IMPG2: variants seen among roughly 807,000 people sequenced by gnomAD.
The protein encoded by IMPG2 is IPM 200.
A neutral mutation model predicts 129.2 loss-of-function variants in IMPG2; 91 were observed. That is an observed-to-expected ratio of 0.70 (90% CI 0.59 to 0.84). IMPG2 has a LOEUF of 0.84. IMPG2 is among the 40% of genes least tolerant of loss of function. The probability of loss-of-function intolerance (pLI) is 0.00; values close to 1 mark genes in which losing one functional copy is unlikely to be tolerated. For synonymous variants in IMPG2, 510 were observed against 517.7 expected, an observed-to-expected ratio of 0.99 and a Z score of 0.20; for missense variants, 1,430 against 1,461.7, an observed-to-expected ratio of 0.98 and a Z score of 0.35.
chr3:101,240,722 A>G (rs1311976352), intron 14 of IMPG2, among the ~76,000 whole-genome samples: 1 of 152,238 alleles, frequency 6.6e-6, no homozygotes, highest in Non-Finnish European at 1.5e-5. Context: ...AAGAATGTGC[A>G]AATGGCCTTA....
At chr3:101,279,332 T>C (rs1018186631) in intron 4 of IMPG2, among the ~76,000 whole-genome samples, 9 of 152,182 alleles carry the variant, frequency 5.9e-5, no homozygotes, top group African/African-American at 2.2e-4. Flanking sequence ...AAGAATTTGC[T>C]CAGGGTCACA....
chr3:101,244,280 C>A lies in IMPG2; in HGVS notation c.2051G>T (p.Gly684Val), dbSNP rs1706447583. ...ATCTGCGAAGATGGGCACAGCAGGC[C>A]CACTAAGAGGCTCTTCCTCTGGAAA... ...THFPEEEPLS[G>V]PAVPIFADTA... The change falls in exon 13 of 19, where the codon GGG (glycine) becomes GTG (valine). Residue 684 changes from glycine (G) to valine (V), a missense_variant. By Grantham distance (109) the Gly-to-Val change is moderately radical. Coordinates refer to ENST00000193391, the MANE Select transcript of IMPG2 (RefSeq NM_016247.4). 2 of 1,613,828 alleles carry A rather than the reference C, an allele frequency of 1.2e-6. No homozygotes were observed. The highest frequency in any genetic ancestry group is 1.1e-5 in the South Asian group (1 of 91,082).
At position 101,279,076 on chromosome 3, in the gene IMPG2, A is replaced by C. The variant is rs369405211; in HGVS notation, c.534-2363T>G. 4.6e-5 allele frequency among the ~76,000 whole-genome samples: 7 copies of C among 152,220 alleles called. No individual in the cohort carries two copies. The East Asian group carries it at 7.7e-4, about 17-fold the overall frequency. On this transcript the variant is annotated intron_variant, in intron 4 of 18. Transcript: ENST00000193391. ...CCCAGTACCTTCATTTCATAGATGA[A>C]AGAAATAAGGTCCAAACAGGTAAAG...
intron 14 of IMPG2, among the ~76,000 whole-genome samples, chr3:101,236,968 T>A (rs886439063): frequency 5.3e-5 from 8 of 152,224 alleles, no homozygotes; most frequent in African/African-American, 1.9e-4. Flanking sequence ...ATCCACTGGT[T>A]TGAAATTCTT....
At chr3:101,269,144 T>C (rs1267671864) in intron 8 of IMPG2, among the ~76,000 whole-genome samples, 1 of 152,182 alleles carries the variant, frequency 6.6e-6, no homozygotes, top group Non-Finnish European at 1.5e-5. Context: ...AGTGGCCTCA[T>C]ACCAAGATGT....
At chr3:101,305,714 T>C (rs1040580499) in intron 2 of IMPG2, among the ~76,000 whole-genome samples, 13 of 152,226 alleles carry the variant, frequency 8.5e-5, no homozygotes, top group Non-Finnish European at 1.6e-4. Flanking sequence ...ACATGAACTT[T>C]AAAATGATAT....
chr3:101,244,265 A>T lies in IMPG2; in HGVS notation c.2066T>A (p.Ile689Asn). The T allele has an allele frequency of 1.2e-6, 2 of 1,614,050 alleles. No individual in the cohort carries two copies. Among genetic ancestry groups the T allele is most frequent in the South Asian group, 2.2e-5 (2 of 91,082 alleles). The change falls in exon 13 of 19, where the codon ATC (isoleucine) becomes AAC (asparagine). Residue 689 changes from isoleucine (I) to asparagine (N), a missense_variant. By Grantham distance (149) the Ile-to-Asn change is moderately radical. Transcript: ENST00000193391. ...EEPLSGPAVPIFADTAAESAS... is the reference protein window; with the variant it reads ...EEPLSGPAVPNFADTAAESAS... Reference sequence around the variant, plus strand: ...AGATTCAGCTGCAGTATCTGCGAAGATGGGCACAGCAGGCCCACTAAGAGG... The same window carrying T: ...AGATTCAGCTGCAGTATCTGCGAAGTTGGGCACAGCAGGCCCACTAAGAGG...
At chr3:101,318,831 A>C (rs1174631533) in intron 2 of IMPG2, among the ~76,000 whole-genome samples, 1 of 152,158 alleles carries the variant, frequency 6.6e-6, no homozygotes, top group Non-Finnish European at 1.5e-5. Context: ...AAGGTCAATT[A>C]AGCAATTTAG....
At chr3:101,309,125 G>A (rs1242904060) in intron 2 of IMPG2, among the ~76,000 whole-genome samples, 1 of 152,110 alleles carries the variant, frequency 6.6e-6, no homozygotes, top group Non-Finnish European at 1.5e-5. Flanking sequence ...CAGCATTTTG[G>A]TCAAAAACAT....
chr3:101,320,397 G>T lies in IMPG2; in HGVS notation c.-25C>A. On this transcript the variant is annotated 5_prime_UTR_variant, in exon 1 of 19. Coordinates refer to ENST00000193391, the MANE Select transcript of IMPG2 (RefSeq NM_016247.4). The stretch of plus-strand genomic sequence containing the variant: ...TTTGGGCCAAAACCAAAGGAATGAG[G>T]AGAGGACAGAATCCTTAATTGAGTG... The T allele has an allele frequency of 7.0e-7, 1 of 1,436,408 alleles. No individual in the cohort carries two copies. Among genetic ancestry groups the T allele is most frequent in the Non-Finnish European group, 9.8e-7 (1 of 1,020,078 alleles). 89.0% of individuals were successfully genotyped at this position (1,436,408 alleles called of 1,614,324 possible).
intron 2 of IMPG2, among the ~76,000 whole-genome samples, chr3:101,306,425 C>A (rs369945105): frequency 3.3e-5 from 5 of 152,138 alleles, no homozygotes; most frequent in African/African-American, 1.2e-4. Flanking sequence ...TACCTGTATC[C>A]TTATTATTGT....
chr3:101,257,269 C>T (rs1706620874), intron 10 of IMPG2, among the ~76,000 whole-genome samples: 1 of 152,044 alleles, frequency 6.6e-6, no homozygotes, highest in African/African-American at 2.4e-5. Flanking sequence ...TTTTCTTATG[C>T]TTTGCTCCTA....
chr3:101,228,234 T>C (rs1267737933), intron 18 of IMPG2, among the ~76,000 whole-genome samples: 1 of 152,204 alleles, frequency 6.6e-6, no homozygotes, highest in Non-Finnish European at 1.5e-5. Flanking sequence ...AAAATTAAGA[T>C]AAACTTGATA....
intron 2 of IMPG2, among the ~76,000 whole-genome samples, chr3:101,308,954 A>C (rs1707233556): frequency 6.6e-6 from 1 of 152,182 alleles, no homozygotes; most frequent in South Asian, 2.1e-4. Context: ...ACCCTAAATC[A>C]TCTCTCTCAA....
intron 2 of IMPG2, among the ~76,000 whole-genome samples, chr3:101,317,857 C>T (rs555237639): frequency 2.6e-5 from 4 of 152,102 alleles, no homozygotes; most frequent in Non-Finnish European, 5.9e-5. Context: ...AAATCCCTTA[C>T]ATGATTGGTT....
chr3:101,253,406 C>T (rs1706565435), intron 11 of IMPG2, among the ~76,000 whole-genome samples: 1 of 152,098 alleles, frequency 6.6e-6, no homozygotes, highest in Non-Finnish European at 1.5e-5. Flanking sequence ...AATCAGTGGG[C>T]ACTTAATAGC....
intron 18 of IMPG2, 57 bp from the exon 19 acceptor site, chr3:101,227,038 T>C (rs1706232396): frequency 1.3e-6 from 2 of 1,537,952 alleles, no homozygotes; most frequent in South Asian, 1.1e-5. Flanking sequence ...TGTAATAAAA[T>C]GCAATTACTG....
intron 14 of IMPG2, among the ~76,000 whole-genome samples, chr3:101,238,939 G>C (rs1404625711): frequency 6.6e-6 from 1 of 152,122 alleles, no homozygotes; most frequent in Admixed American, 6.5e-5. Context: ...TGGATAAAGA[G>C]ACAAGACCCA....
At chr3:101,240,496 A>G (rs116044435) in intron 14 of IMPG2, among the ~76,000 whole-genome samples, 2,438 of 152,310 alleles carry the variant, frequency 0.016, 62 homozygotes, top group African/African-American at 0.056. Flanking sequence ...TTGTATAGTT[A>G]GTCAAATGTT....
Sources: gnomAD v4.1 joint callset for allele counts (sites outside exome capture counted in the v4.1 genomes callset) on GRCh38, gnomAD v4.1.1 for gene constraint, MANE v1.5 for transcripts, NCBI Gene and HGNC (gene_info 2026-07-23, HGNC 2026-07-21) for gene names.